The following MAPRE2 variants were observed in gnomAD, a reference collection of about 807,000 sequenced individuals.
MAPRE2 encodes the protein microtubule associated protein RP/EB family member 2, also known as microtubule-associated protein RP/EB family member 2.
MAPRE2 carries 13 observed loss-of-function variants against 43.2 expected under a neutral mutation model. The observed-to-expected ratio is 0.30, with a 90% CI of 0.20 to 0.48. The LOEUF is 0.48. MAPRE2 is among the 20% of genes least tolerant of loss of function. The pLI, the probability that MAPRE2 is intolerant of heterozygous loss-of-function variation, is 0.99. For synonymous variants in MAPRE2, 135 were observed against 148.8 expected (o/e 0.91, Z 0.68); for missense variants, 161 against 400.2 (o/e 0.40, Z 5.10).
upstream of MAPRE2, chr18:35,041,312 G>A: frequency 7.1e-7 from 1 of 1,418,250 alleles, no homozygotes. Flanking sequence ...GGGTTGCCAT[G>A]GCAACAGGCT....
Position 35,009,265 on chromosome 18 carries a change from G to A in MAPRE2, c.-8+3712G>A, listed in dbSNP as rs189381040. ...TTGGTGTGGAATACTCAGGGATGGT[G>A]AGATTAGCTATTCATTCCATAAACA... is the stretch of plus-strand genomic sequence containing the variant. On this transcript the variant is annotated intron_variant, in intron 2 of 7. Transcript: ENST00000413393. Among the ~76,000 whole-genome samples, 157 of 152,244 alleles carry A rather than the reference G, an allele frequency of 1.0e-3. 2 individuals are homozygous for A. Among genetic ancestry groups the A allele is most frequent in the Admixed American group, 1.2e-3 (18 of 15,298 alleles).
chr18:34,977,388 C>T (rs890489431), intron 1 of MAPRE2, among the ~76,000 whole-genome samples: 4 of 152,198 alleles, frequency 2.6e-5, no homozygotes, highest in Non-Finnish European at 5.9e-5. Flanking sequence ...CTGGCAGAAG[C>T]GAAGTGGACT....
At chr18:35,096,783 AATAAGT>A (rs1486982540) in intron 2 of MAPRE2, among the ~76,000 whole-genome samples, 2 of 151,804 alleles carry the variant, frequency 1.3e-5, no homozygotes, top group African/African-American at 4.8e-5. Context: ...AATAATAGTT[AATAAGT>A]ATAAGTAATA....
intron 1 of MAPRE2, among the ~76,000 whole-genome samples, chr18:35,054,291 C>G (rs1906104739): frequency 6.6e-6 from 1 of 152,220 alleles, no homozygotes; most frequent in Admixed American, 6.5e-5. Context: ...CTCCCAGAAT[C>G]TGTTCAGAAA....
At chr18:35,127,362 C>T in intron 5 of MAPRE2, 1 of 378,948 alleles carries the variant, frequency 2.6e-6, no homozygotes, top group Non-Finnish European at 4.9e-6. Flanking sequence ...CCCTGCTCCT[C>T]AGGGCCGTCA....
At chr18:34,987,191 C>T (rs556283541) in intron 1 of MAPRE2, among the ~76,000 whole-genome samples, 4 of 152,138 alleles carry the variant, frequency 2.6e-5, no homozygotes, top group Non-Finnish European at 5.9e-5. Flanking sequence ...AGAATAAATA[C>T]TTCAATAGGT....
chr18:35,117,235 G>A (rs1311013749), intron 4 of MAPRE2, among the ~76,000 whole-genome samples: 1 of 152,200 alleles, frequency 6.6e-6, no homozygotes, highest in African/African-American at 2.4e-5. Flanking sequence ...TGGACCAGGA[G>A]CCTGGTGAGC....
chr18:35,048,649 ATG>A (rs1268412914), intron 1 of MAPRE2, among the ~76,000 whole-genome samples: 1 of 149,108 alleles, frequency 6.7e-6, no homozygotes, highest in Non-Finnish European at 1.5e-5. Context: ...ATATGTGTAT[ATG>A]TGTTTATAGT....
At chr18:35,044,111 T>G (rs1905500474) in intron 1 of MAPRE2, among the ~76,000 whole-genome samples, 1 of 152,302 alleles carries the variant, frequency 6.6e-6, no homozygotes, top group East Asian at 1.9e-4. Flanking sequence ...GTGGAGTCCC[T>G]TATGGTGGGG....
Position 35,077,243 on chromosome 18 carries a change from G to A in MAPRE2, c.250+6921G>A, listed in dbSNP as rs544805977. Among the ~76,000 whole-genome samples the A allele has an allele frequency of 3.1e-3, 161 of 51,668 alleles. 1 individual carries two copies. The East Asian group carries it at 0.056, about 18-fold the overall frequency. The allele number at this position is 51,668 out of a possible 152,430, so 33.9% of individuals were successfully genotyped here. A position where few individuals can be genotyped will look rare whatever the true frequency, so the allele number is the denominator to read the frequency against. ...CTCTCTCACAGATACGCGCGCGTGC[G>A]CGCGCGCACACACACACACACACAC... On this transcript the variant is annotated intron_variant, in intron 2 of 6. Transcript: ENST00000300249.
intron 4 of MAPRE2, among the ~76,000 whole-genome samples, chr18:35,108,313 A>G (rs946814801): frequency 2.0e-5 from 3 of 152,146 alleles, no homozygotes; most frequent in Non-Finnish European, 4.4e-5. Flanking sequence ...ATTCCTTTTT[A>G]TGGCTGCATA....
At chr18:35,081,545 G>C (rs1248057313) in intron 2 of MAPRE2, among the ~76,000 whole-genome samples, 2 of 152,182 alleles carry the variant, frequency 1.3e-5, no homozygotes, top group Non-Finnish European at 2.9e-5. Context: ...GCCGGGGAAG[G>C]AGCATCCTCC....
At chr18:35,139,893 T>C (rs1910551625) in intron 6 of MAPRE2, among the ~76,000 whole-genome samples, 1 of 152,200 alleles carries the variant, frequency 6.6e-6, no homozygotes, top group Admixed American at 6.5e-5. Flanking sequence ...CAAAATACCA[T>C]GGAGGCCAGG....
At chr18:35,034,088 C>T (rs184895363) in intron 2 of MAPRE2, among the ~76,000 whole-genome samples, 1 of 152,120 alleles carries the variant, frequency 6.6e-6, no homozygotes, top group East Asian at 1.9e-4. Context: ...AAGCTGGAGG[C>T]ATCATGCTAC....
Position 35,141,727 on chromosome 18 carries a change from G to A in MAPRE2, c.*1358G>A, listed in dbSNP as rs1302226283. ...TTCCTGGATCATTCATTTCACCTTG[G>A]TTTCTAACTTTAGGTTTACTTTCAC... On this transcript the variant is annotated 3_prime_UTR_variant, in exon 7 of 7. Coordinates refer to ENST00000300249, the MANE Select transcript of MAPRE2 (RefSeq NM_014268.4). 1.3e-5 allele frequency: 2 copies of A among 150,758 alleles called. No individual in the cohort carries two copies. Among genetic ancestry groups the A allele is most frequent in the African/African-American group, 4.9e-5 (2 of 40,862 alleles). The allele number at this position is 150,758 out of a possible 1,614,324, so 9.3% of individuals were successfully genotyped here. A position where few individuals can be genotyped will look rare whatever the true frequency, so the allele number is the denominator to read the frequency against.
At chr18:34,989,446 A>C (rs986954843) in intron 1 of MAPRE2, among the ~76,000 whole-genome samples, 1 of 152,176 alleles carries the variant, frequency 6.6e-6, no homozygotes, top group Non-Finnish European at 1.5e-5. Flanking sequence ...GTGGTGGCTC[A>C]TGCCTATAAT....
intron 1 of MAPRE2, among the ~76,000 whole-genome samples, chr18:34,999,132 A>G (rs2097028067): frequency 6.6e-6 from 1 of 152,182 alleles, no homozygotes; most frequent in African/African-American, 2.4e-5. Context: ...CGTAACATGC[A>G]TTCTGCCACG....
intron 2 of MAPRE2, among the ~76,000 whole-genome samples, chr18:35,089,903 T>C (rs1908061718): frequency 6.6e-6 from 1 of 152,198 alleles, no homozygotes; most frequent in African/African-American, 2.4e-5. Context: ...CATTAATGAA[T>C]GGATCAGTAA....
intron 1 of MAPRE2, among the ~76,000 whole-genome samples, chr18:35,063,395 CTG>C (rs1906657280): frequency 6.6e-6 from 1 of 151,958 alleles, no homozygotes; most frequent in Non-Finnish European, 1.5e-5. Context: ...GCGTGAGCCA[CTG>C]CGCCCGGCCT....
Sources: allele counts gnomAD v4.1 joint callset (sites outside exome capture counted in the v4.1 genomes callset), GRCh38; gene constraint gnomAD v4.1.1; transcripts MANE v1.5; gene names NCBI Gene and HGNC (gene_info 2026-07-23, HGNC 2026-07-21).